MGAT4D: variants seen among roughly 807,000 people sequenced by gnomAD.
MGAT4D encodes the protein alpha-1,3-mannosyl-glycoprotein 4-beta-N-acetylglucosaminyltransferase-like protein MGAT4D.
Under a neutral mutation model 15.9 loss-of-function variants are expected in MGAT4D, and 34 were observed. That is an observed-to-expected ratio of 2.14 (90% CI 1.62 to 2.84). MGAT4D has a LOEUF of 2.84. Ranked by LOEUF, MGAT4D falls within the 30% of genes most tolerant of loss-of-function variation. The probability of loss-of-function intolerance (pLI) is 0.00; values close to 1 mark genes in which losing one functional copy is unlikely to be tolerated. For missense variants in MGAT4D, 327 were observed against 140.2 expected, an observed-to-expected ratio of 2.33 and a Z score of -6.73; for synonymous variants, 112 against 48.2, an observed-to-expected ratio of 2.33 and a Z score of -5.49.
intron 1 of MGAT4D, among the ~76,000 whole-genome samples, chr4:140,491,115 A>G (rs1014038043): frequency 6.6e-6 from 1 of 152,198 alleles, no homozygotes; most frequent in Non-Finnish European, 1.5e-5. Flanking sequence ...CTGTTATTGT[A>G]CATGTATTTT....
intron 1 of MGAT4D, among the ~76,000 whole-genome samples, chr4:140,486,482 C>T (rs1237982881): frequency 6.6e-6 from 1 of 151,954 alleles, no homozygotes; most frequent in Admixed American, 6.6e-5. Context: ...TAATGCTATC[C>T]CTCCCCTAGC....
At chr4:140,485,932 C>A (rs891261232) in intron 1 of MGAT4D, among the ~76,000 whole-genome samples, 1 of 149,324 alleles carries the variant, frequency 6.7e-6, no homozygotes, top group Non-Finnish European at 1.5e-5. Context: ...AAGTGGACAG[C>A]CTGTGGCAAA....
chr4:140,488,901 C>T (rs1268552805), intron 1 of MGAT4D, among the ~76,000 whole-genome samples: 1 of 152,100 alleles, frequency 6.6e-6, no homozygotes, highest in African/African-American at 2.4e-5. Flanking sequence ...TGCCTGCCTG[C>T]TCTGGCCTAG....
intron 5 of MGAT4D, among the ~76,000 whole-genome samples, chr4:140,465,297 C>T (rs1731460371): frequency 6.6e-6 from 1 of 152,086 alleles, no homozygotes; most frequent in African/African-American, 2.4e-5. Flanking sequence ...ACATTTGAAA[C>T]AATGAAACTC....
chr4:140,483,384 T>C (rs145890642), intron 1 of MGAT4D, among the ~76,000 whole-genome samples: 169 of 152,164 alleles, frequency 1.1e-3, no homozygotes, highest in African/African-American at 3.7e-3. Flanking sequence ...CACAAATAAA[T>C]GGAAAGATAT....
At chr4:140,452,302 T>C (rs1730524484) in intron 9 of MGAT4D, among the ~76,000 whole-genome samples, 1 of 152,110 alleles carries the variant, frequency 6.6e-6, no homozygotes, top group Non-Finnish European at 1.5e-5. Context: ...TGTATATATA[T>C]AGTAATTTTT....
chr4:140,490,141 G>T (rs534538835), intron 1 of MGAT4D, among the ~76,000 whole-genome samples: 1 of 152,172 alleles, frequency 6.6e-6, no homozygotes. Context: ...TTTTAAACTT[G>T]CATTTTCTTG....
At position 140,465,701 on chromosome 4, in the gene MGAT4D, T is replaced by C. The variant is rs540246623; in HGVS notation, c.573-692A>G. On this transcript the variant is annotated intron_variant, in intron 5 of 10. Transcript: ENST00000511113. ...TTAGGCATTACATTATTTATTAACA[T>C]GTTAAAGGTTCAAGGAAATGTTTAT... 1.9e-4 allele frequency among the ~76,000 whole-genome samples: 29 copies of C among 152,346 alleles called. No individual in the cohort carries two copies. In the South Asian group the frequency reaches 5.2e-3, roughly 27 times the overall value.
chr4:140,446,747 T>TG (rs1730156346), intron 10 of MGAT4D, among the ~76,000 whole-genome samples: 2 of 70,526 alleles, frequency 2.8e-5, no homozygotes, highest in African/African-American at 1.2e-4. Context: ...TCTCTAGTTT[T>TG]TTTTTTTTTT....
intron 3 of MGAT4D, among the ~76,000 whole-genome samples, chr4:140,476,914 C>G (rs1374317379): frequency 6.6e-6 from 1 of 152,098 alleles, no homozygotes; most frequent in African/African-American, 2.4e-5. Flanking sequence ...AGCTTGATGA[C>G]AGCAGACACC....
intron 10 of MGAT4D, among the ~76,000 whole-genome samples, chr4:140,446,509 G>A (rs1730131514): frequency 6.6e-6 from 1 of 151,966 alleles, no homozygotes; most frequent in African/African-American, 2.4e-5. Flanking sequence ...AGAGTCAGTG[G>A]CAATGTCTCC....
intron 1 of MGAT4D, among the ~76,000 whole-genome samples, chr4:140,485,368 A>G (rs2126844137): frequency 6.6e-6 from 1 of 151,830 alleles, no homozygotes; most frequent in East Asian, 1.9e-4. Flanking sequence ...ACATGGACAC[A>G]GGAAGGGGAA....
rs114243352 is a variant in MGAT4D, at chr4:140,448,160, C to T, written c.1116+3250G>A. Among the ~76,000 whole-genome samples the T allele has an allele frequency of 2.4e-3, 361 of 152,190 alleles. 2 individuals carry two copies. The highest frequency in any genetic ancestry group is 8.4e-3 in the African/African-American group (349 of 41,544). On this transcript the variant is annotated intron_variant, in intron 10 of 10. Coordinates refer to ENST00000511113, the MANE Select transcript of MGAT4D (RefSeq NM_001277353.2). Reference sequence around the variant, plus strand: ...GCATTCTTTCTTTCATTTTGACTTCCGTAAATCGGATAATTATGTGTCCTG... The same window carrying T: ...GCATTCTTTCTTTCATTTTGACTTCTGTAAATCGGATAATTATGTGTCCTG...
intron 10 of MGAT4D, among the ~76,000 whole-genome samples, chr4:140,447,755 G>T (rs1210467816): frequency 6.6e-6 from 1 of 152,140 alleles, no homozygotes; most frequent in African/African-American, 2.4e-5. Flanking sequence ...TGTGTTGTTA[G>T]CTGGTTATTA....
chr4:140,474,319 T>A (rs1340932660), intron 4 of MGAT4D, among the ~76,000 whole-genome samples: 2 of 152,168 alleles, frequency 1.3e-5, no homozygotes, highest in Non-Finnish European at 2.9e-5. Flanking sequence ...CTCACAGGGA[T>A]GTAATGCAGG....
At chr4:140,474,053 C>G (rs1387012673) in intron 4 of MGAT4D, among the ~76,000 whole-genome samples, 3 of 152,110 alleles carry the variant, frequency 2.0e-5, no homozygotes, top group Admixed American at 2.0e-4. Context: ...GATAAGTTCC[C>G]AGAATTTGAA....
intron 5 of MGAT4D, among the ~76,000 whole-genome samples, chr4:140,467,718 G>A (rs576500751): frequency 1.7e-3 from 255 of 152,140 alleles, no homozygotes; most frequent in Middle Eastern, 6.8e-3. Context: ...AATGACTGGA[G>A]AAAATAATAT....
At chr4:140,447,499 T>C (rs934324486) in intron 10 of MGAT4D, among the ~76,000 whole-genome samples, 2 of 152,214 alleles carry the variant, frequency 1.3e-5, no homozygotes, top group African/African-American at 4.8e-5. Context: ...ACAGTCTGTT[T>C]GGTCTGAAAT....
chr4:140,487,128 A>G lies in MGAT4D; in HGVS notation c.95-4643T>C, dbSNP rs1733191268. Reference sequence around the variant, plus strand: ...CTCTAATCTTAGATCTGCTTCTTGTACATTTTTCCCTGGTAATTCATTCAT... The same window carrying G: ...CTCTAATCTTAGATCTGCTTCTTGTGCATTTTTCCCTGGTAATTCATTCAT... On this transcript the variant is annotated intron_variant, in intron 1 of 10. Coordinates refer to ENST00000511113, the MANE Select transcript of MGAT4D (RefSeq NM_001277353.2). 2.6e-5 allele frequency among the ~76,000 whole-genome samples: 4 copies of G among 152,262 alleles called. No individual in the cohort carries two copies. The South Asian group carries it at 8.3e-4, about 31-fold the overall frequency.
Sources: allele counts gnomAD v4.1 joint callset (sites outside exome capture counted in the v4.1 genomes callset), GRCh38; gene constraint gnomAD v4.1.1; transcripts MANE v1.5; gene names NCBI Gene and HGNC (gene_info 2026-07-23, HGNC 2026-07-21).